Variants in NPLOC4 observed in about 807,000 individuals in gnomAD.
NPLOC4 encodes the protein nuclear protein localization protein 4 homolog.
In NPLOC4, 18 loss-of-function variants were observed where a neutral mutation model predicts 80.6. The ratio of observed to expected loss-of-function variants is 0.22; its 90% CI spans 0.15 to 0.33. The LOEUF is 0.33. Among genes scored for constraint, NPLOC4 ranks in the 10% least tolerant of loss-of-function variants. The pLI, the probability that NPLOC4 is intolerant of heterozygous loss-of-function variation, is 1.00. For synonymous variants in NPLOC4, 313 were observed against 301.5 expected (o/e 1.04, Z -0.39); for missense variants, 540 against 786.1 (o/e 0.69, Z 3.74).
At chr17:81,618,947 G>A (rs1021707135) in intron 3 of NPLOC4, among the ~76,000 whole-genome samples, 1 of 151,958 alleles carries the variant, frequency 6.6e-6, no homozygotes, top group African/African-American at 2.4e-5. Flanking sequence ...GTCCACTCAG[G>A]GTTAAATGGA....
intron 9 of NPLOC4, among the ~76,000 whole-genome samples, 176 bp downstream of exon 9, chr17:81,600,165 T>C (rs921774029): frequency 6.6e-6 from 1 of 152,174 alleles, no homozygotes; most frequent in African/African-American, 2.4e-5. Flanking sequence ...ATAAAGGTTA[T>C]TGGTGCCCAA....
At chr17:81,629,701 G>A in intron 2 of NPLOC4, 24 bp downstream of exon 2, 5 of 1,550,156 alleles carry the variant, frequency 3.2e-6, no homozygotes, top group African/African-American at 1.4e-5. Context: ...ATATCCTGAG[G>A]GTCAATACCC....
intron 1 of NPLOC4, among the ~76,000 whole-genome samples, chr17:81,630,026 ACT>A (rs1568169617): frequency 6.6e-6 from 1 of 152,020 alleles, no homozygotes; most frequent in Non-Finnish European, 1.5e-5. Context: ...TGTCCTCTCA[ACT>A]CTTAGTTTCA....
At chr17:81,616,027 G>C (rs1392019049) in intron 3 of NPLOC4, among the ~76,000 whole-genome samples, 1 of 152,168 alleles carries the variant, frequency 6.6e-6, no homozygotes, top group Non-Finnish European at 1.5e-5. Flanking sequence ...TAGAAAAGCT[G>C]CTAAATCTGG....
At chr17:81,626,713 G>A (rs572195454) in intron 2 of NPLOC4, among the ~76,000 whole-genome samples, 57 of 152,216 alleles carry the variant, frequency 3.7e-4, no homozygotes, top group African/African-American at 1.3e-3. Context: ...TGGGAGGATC[G>A]TTTGAGCCCG....
chr17:81,559,377 C>T lies in NPLOC4; in HGVS notation c.1709G>A (p.Gly570Asp). 6.2e-7 allele frequency: 1 copy of T among 1,609,992 alleles called. No homozygotes were observed. The highest frequency in any genetic ancestry group is 8.5e-7 in the Non-Finnish European group (1 of 1,178,438). ...GGQLPGLHEY[G>D]AVGGSTHTAT... ...CGTGTGTGTGGAGCCCCCGACGGCG[C>T]CGTACTCATGGAGACCTGGGAGCTG... Residue 570 changes from glycine (G) to aspartate (D), a missense_variant, in exon 17 of 17, where the codon GGC (glycine) becomes GAC (aspartate). Physicochemically the swap from Gly to Asp is moderately conservative, Grantham distance 94. Around this residue, in one of 6 missense-constraint regions of NPLOC4, gnomAD observed 87 missense variants for 70.3 expected, o/e 1.24. Coordinates refer to ENST00000331134, the MANE Select transcript of NPLOC4 (RefSeq NM_017921.4).
chr17:81,606,202 C>G (rs1452640233), intron 7 of NPLOC4, among the ~76,000 whole-genome samples: 2 of 152,106 alleles, frequency 1.3e-5, no homozygotes, highest in Non-Finnish European at 2.9e-5. Flanking sequence ...ACGGAATTCT[C>G]TCTAAGGAGC....
intron 4 of NPLOC4, among the ~76,000 whole-genome samples, chr17:81,610,938 G>A (rs1166591974): frequency 1.1e-4 from 3 of 27,778 alleles, no homozygotes; most frequent in Admixed American, 9.3e-4. Context: ...CGGCCTGGGC[G>A]ACAGAGCGAG....
At position 81,558,957 on chromosome 17, in the gene NPLOC4, G is replaced by A. The variant is rs567190234; in HGVS notation, c.*302C>T. On this transcript the variant is annotated 3_prime_UTR_variant, in exon 17 of 17. Transcript: ENST00000331134. ...TGTGCGCCCCAATTCCAGGTGCCAC[G>A]TAGAGGCGAGAGGTCTTTCCAACAC... The A allele has an allele frequency of 2.3e-4, 65 of 281,992 alleles. No homozygotes were observed. In the South Asian group the frequency reaches 3.3e-3, roughly 14 times the overall value. The allele number at this position is 281,992 out of a possible 1,614,324, so 17.5% of individuals were successfully genotyped here. A position where few individuals can be genotyped will look rare whatever the true frequency, so the allele number is the denominator to read the frequency against.
chr17:81,634,688 C>T (rs905827555), intron 1 of NPLOC4, among the ~76,000 whole-genome samples: 1 of 151,524 alleles, frequency 6.6e-6, no homozygotes, highest in African/African-American at 2.4e-5. Context: ...CGGGTTTGAG[C>T]GATTCCCCTC....
At chr17:81,636,585 A>AG (rs2036081988) in intron 1 of NPLOC4, 1 of 248,836 alleles carries the variant, frequency 4.0e-6, no homozygotes, top group Non-Finnish European at 7.6e-6. Flanking sequence ...GAATTAGACC[A>AG]GGAAGTCTCC....
intron 3 of NPLOC4, among the ~76,000 whole-genome samples, chr17:81,617,817 C>G (rs571365453): frequency 6.6e-6 from 1 of 152,322 alleles, no homozygotes; most frequent in Non-Finnish European, 1.5e-5. Flanking sequence ...CGCCGCCACG[C>G]CTGACTGGTT....
intron 4 of NPLOC4, 133 bp from the exon 5 acceptor site, chr17:81,610,391 T>C: frequency 1.4e-6 from 1 of 708,024 alleles, no homozygotes; most frequent in Non-Finnish European, 2.5e-6. Context: ...AGATGGCACA[T>C]GGATAAACAT....
At chr17:81,606,261 C>T (rs1185690028) in intron 7 of NPLOC4, among the ~76,000 whole-genome samples, 2 of 152,158 alleles carry the variant, frequency 1.3e-5, no homozygotes, top group African/African-American at 2.4e-5. Flanking sequence ...GCAGGCTACT[C>T]AGAGGCGGGA....
Position 81,557,352 on chromosome 17 carries a change from C to T in NPLOC4, c.*1907G>A, listed in dbSNP as rs1486368742. 2.0e-5 allele frequency: 3 copies of T among 152,608 alleles called. No individual in the cohort carries two copies. In the East Asian group the frequency reaches 5.8e-4, roughly 29 times the overall value. 9.5% of individuals were successfully genotyped at this position (152,608 alleles called of 1,614,324 possible). ...TCAAAACCAGAATCAGACAAATCGC[C>T]AATGCTTTTCCTTTAGCTAAAAGAC... On this transcript the variant is annotated 3_prime_UTR_variant, in exon 17 of 17. Coordinates refer to ENST00000331134, the MANE Select transcript of NPLOC4 (RefSeq NM_017921.4).
chr17:81,569,244 CCAT>C (rs2034093239), intron 13 of NPLOC4, 133 bp from the exon 14 acceptor site: 2 of 628,520 alleles, frequency 3.2e-6, no homozygotes, highest in East Asian at 5.4e-5. Flanking sequence ...TACAAGCTCT[CCAT>C]CAAAGGGAAC....
intron 5 of NPLOC4, 43 bp from the exon 6 acceptor site, chr17:81,608,865 G>C (rs541977997): frequency 2.0e-6 from 3 of 1,464,406 alleles, no homozygotes; most frequent in Non-Finnish European, 2.8e-6. Flanking sequence ...CACACGTGCC[G>C]GTCACTCCAG....
chr17:81,624,626 G>T (rs2035751590), intron 2 of NPLOC4, among the ~76,000 whole-genome samples: 1 of 152,078 alleles, frequency 6.6e-6, no homozygotes, highest in Non-Finnish European at 1.5e-5. Context: ...AAAAGACAAG[G>T]TTCCTGCTGT....
At chr17:81,618,353 C>T (rs550563841) in intron 3 of NPLOC4, among the ~76,000 whole-genome samples, 2,363 of 151,408 alleles carry the variant, frequency 0.016, 23 homozygotes, top group Non-Finnish European at 0.024. Flanking sequence ...GCCGCGACCC[C>T]GTCTGGGAGG....
Sources: allele counts gnomAD v4.1 joint callset (sites outside exome capture counted in the v4.1 genomes callset), GRCh38; gene constraint gnomAD v4.1.1; regional missense constraint gnomAD v4.1.1; transcripts MANE v1.5; gene names NCBI Gene and HGNC (gene_info 2026-07-23, HGNC 2026-07-21).